Variants in U2SURP observed in about 807,000 individuals in gnomAD.
U2SURP encodes U2 snRNP-associated SURP motif-containing protein.
In U2SURP, 9 loss-of-function variants were observed where a neutral mutation model predicts 144.9. That is an observed-to-expected ratio of 0.06 (90% confidence interval 0.04 to 0.11). U2SURP has a LOEUF of 0.11. Among genes scored for constraint, U2SURP ranks in the 10% least tolerant of loss-of-function variants. The probability of loss-of-function intolerance (pLI) is 1.00; values close to 1 mark genes in which losing one functional copy is unlikely to be tolerated. For synonymous variants in U2SURP, 408 were observed against 396.8 expected (o/e 1.03, Z -0.33); for missense variants, 724 against 1,226.7 (o/e 0.59, Z 6.12).
chr3:143,052,649 A>G (rs1934946587), intron 25 of U2SURP, among the ~76,000 whole-genome samples: 1 of 152,202 alleles, frequency 6.6e-6, no homozygotes. Context: ...AGAGTTGAGT[A>G]GTTGTGGCAG....
At chr3:143,028,143 A>G (rs1933264632) in intron 14 of U2SURP, among the ~76,000 whole-genome samples, 197 bp from the exon 15 acceptor site, 2 of 152,164 alleles carry the variant, frequency 1.3e-5, no homozygotes, top group African/African-American at 2.4e-5. Flanking sequence ...AATGTCAGTC[A>G]CTAAGGCAGT....
chr3:143,016,644 T>C (rs570740137), intron 5 of U2SURP, among the ~76,000 whole-genome samples, 198 bp from the exon 6 acceptor site: 5 of 152,308 alleles, frequency 3.3e-5, no homozygotes, highest in Admixed American at 6.5e-5. Flanking sequence ...TGTCACAAAT[T>C]TTAATATGTG....
chr3:143,034,066 A>T (rs1228362739), intron 18 of U2SURP, among the ~76,000 whole-genome samples: 1 of 152,144 alleles, frequency 6.6e-6, no homozygotes, highest in East Asian at 1.9e-4. Flanking sequence ...TTCATTGTAA[A>T]TGTTTCCTAA....
intron 9 of U2SURP, 43 bp downstream of exon 9, chr3:143,021,428 C>T: frequency 6.2e-7 from 1 of 1,609,550 alleles, no homozygotes; most frequent in South Asian, 1.1e-5. Context: ...ATTTTCCAAA[C>T]TTTATGTTTT....
chr3:143,037,301 A>G lies in U2SURP; in HGVS notation c.2187A>G (p.Ile729Met). 1 of 1,612,464 alleles carries G rather than the reference A, an allele frequency of 6.2e-7. No homozygotes were observed. The highest frequency in any genetic ancestry group is 8.5e-7 in the Non-Finnish European group (1 of 1,179,164). The change falls in exon 21 of 28, where the codon ATA becomes ATG. Residue 729 changes from isoleucine to methionine, a missense_variant. By Grantham distance (10) the Ile-to-Met change is conservative. Coordinates refer to ENST00000473835, the MANE Select transcript of U2SURP (RefSeq NM_001080415.2). ...TCGATGATCTTGATGGAGTCCCTAT[A>G]AAAAGTCTTGATGATGATCTTGATG... ...TPIDDLDGVP[I>M]KSLDDDLDGV...
At chr3:143,011,310 T>C (rs1188248032) in intron 2 of U2SURP, among the ~76,000 whole-genome samples, 1 of 152,164 alleles carries the variant, frequency 6.6e-6, no homozygotes, top group Non-Finnish European at 1.5e-5. Context: ...ATATATTTTT[T>C]GTTTAAAGCT....
At chr3:143,004,142 C>T (rs931942625) in intron 1 of U2SURP, among the ~76,000 whole-genome samples, 1 of 152,108 alleles carries the variant, frequency 6.6e-6, no homozygotes, top group African/African-American at 2.4e-5. Flanking sequence ...TTATATTTTA[C>T]AATACAGATG....
chr3:143,052,506 A>G (rs73867481), intron 25 of U2SURP, among the ~76,000 whole-genome samples: 4,460 of 152,312 alleles, frequency 0.029, 95 homozygotes, highest in African/African-American at 0.062. Context: ...TTGTGTTACC[A>G]CTTTAGTCTC....
At chr3:143,014,240 C>G in intron 3 of U2SURP, 71 bp from the exon 4 acceptor site, 1 of 947,718 alleles carries the variant, frequency 1.1e-6, no homozygotes, top group Non-Finnish European at 1.5e-6. Context: ...ACTTAGTTAT[C>G]AGTTGATGTG....
At chr3:143,031,817 A>G (rs1031352719) in intron 16 of U2SURP, among the ~76,000 whole-genome samples, 3 of 152,196 alleles carry the variant, frequency 2.0e-5, no homozygotes, top group South Asian at 2.1e-4. Flanking sequence ...TTCATTGCCT[A>G]TGAGAGCATT....
chr3:143,021,883 CAT>C (rs1346162252), intron 10 of U2SURP, among the ~76,000 whole-genome samples: 5 of 152,138 alleles, frequency 3.3e-5, no homozygotes, highest in African/African-American at 1.2e-4. Flanking sequence ...TTTTTCTTCT[CAT>C]AGTAGTAAAC....
At chr3:143,031,276 T>C (rs1933466090) in intron 16 of U2SURP, among the ~76,000 whole-genome samples, 1 of 152,212 alleles carries the variant, frequency 6.6e-6, no homozygotes, top group Non-Finnish European at 1.5e-5. Flanking sequence ...TGACTACAGT[T>C]TGGCAAGACA....
intron 24 of U2SURP, among the ~76,000 whole-genome samples, chr3:143,044,029 A>G (rs1934264939): frequency 6.6e-6 from 1 of 152,102 alleles, no homozygotes; most frequent in Non-Finnish European, 1.5e-5. Context: ...CTGGGATTAC[A>G]GGTGTCAGCC....
rs1334611858 is a variant in U2SURP, at chr3:143,059,353, A to G, written c.*2903A>G. 2.0e-5 allele frequency: 3 copies of G among 152,446 alleles called. No individual in the cohort carries two copies. In the East Asian group the frequency reaches 5.8e-4, roughly 29 times the overall value. 9.4% of individuals were successfully genotyped at this position (152,446 alleles called of 1,614,324 possible). ...GGCTTACCCTGAGACTTTTATCCCAATTAGTGAATCTTGGAGGGAATACTT... is the reference window on the plus strand; with the variant it reads ...GGCTTACCCTGAGACTTTTATCCCAGTTAGTGAATCTTGGAGGGAATACTT... On this transcript the variant is annotated 3_prime_UTR_variant, in exon 28 of 28. Transcript: ENST00000473835.
intron 16 of U2SURP, among the ~76,000 whole-genome samples, chr3:143,029,491 A>G (rs560822610): frequency 6.6e-6 from 1 of 152,332 alleles, no homozygotes; most frequent in African/African-American, 2.4e-5. Context: ...ACCACAAACT[A>G]TGGTCATATA....
At chr3:143,040,954 CATTGGT>C (rs1250054291) in intron 23 of U2SURP, among the ~76,000 whole-genome samples, 1 of 151,668 alleles carries the variant, frequency 6.6e-6, no homozygotes, top group Non-Finnish European at 1.5e-5. Flanking sequence ...CATTCAATGT[CATTGGT>C]ATTATGCCAT....
Position 143,056,619 on chromosome 3 carries a change from A to G in U2SURP, c.*169A>G, listed in dbSNP as rs1935164888. On this transcript the variant is annotated 3_prime_UTR_variant, in exon 28 of 28. Coordinates refer to ENST00000473835, the MANE Select transcript of U2SURP (RefSeq NM_001080415.2). ...GAGCAACTGCATCTGTAGATCTGTC[A>G]TTGTTTTATATTGTGTAAATTACTT... is the stretch of plus-strand genomic sequence containing the variant. The G allele has an allele frequency of 3.0e-6, 2 of 657,032 alleles. No homozygotes were observed. Among genetic ancestry groups the G allele is most frequent in the Non-Finnish European group, 5.0e-6 (2 of 402,764 alleles). The allele number at this position is 657,032 out of a possible 1,614,324, so 40.7% of individuals were successfully genotyped here. A position where few individuals can be genotyped will look rare whatever the true frequency, so the allele number is the denominator to read the frequency against.
rs558619713 is a variant in U2SURP at position 143,023,375 on chromosome 3, T to A, written c.1230+311T>A. 2.7e-5 allele frequency: 6 copies of A among 225,700 alleles called. No individual in the cohort carries two copies. The South Asian group carries it at 6.0e-4, about 22-fold the overall frequency. The allele number at this position is 225,700 out of a possible 1,614,324, so 14.0% of individuals were successfully genotyped here. The stretch of plus-strand genomic sequence containing the variant: ...ACTTTGTTCTGAGAAAGTGATACTT[T>A]GTATTTGGTTAAGTGACATTTCAAT... On this transcript the variant is annotated intron_variant, in intron 12 of 27. Transcript: ENST00000473835.
chr3:143,006,910 A>G (rs1451436560), intron 1 of U2SURP, among the ~76,000 whole-genome samples: 2 of 152,208 alleles, frequency 1.3e-5, no homozygotes, highest in Non-Finnish European at 2.9e-5. Flanking sequence ...AGATTAGGAG[A>G]CAGATACACG....
Sources: allele counts gnomAD v4.1 joint callset (sites outside exome capture counted in the v4.1 genomes callset), GRCh38; gene constraint gnomAD v4.1.1; transcripts MANE v1.5; gene names NCBI Gene and HGNC (gene_info 2026-07-23, HGNC 2026-07-21).